PRDM5: variants seen among roughly 807,000 people sequenced by gnomAD.
PRDM5 encodes the protein PR/SET domain 5, also known as PR domain zinc finger protein 5.
In PRDM5, 56 loss-of-function variants were observed where a neutral mutation model predicts 81.2. That is an observed-to-expected ratio of 0.69 (90% confidence interval 0.56 to 0.86). The LOEUF (loss-of-function observed/expected upper bound fraction) is 0.86. Among genes scored for constraint, PRDM5 ranks in the 40% least tolerant of loss-of-function variants. The probability of loss-of-function intolerance (pLI) is 0.00; values close to 1 mark genes in which losing one functional copy is unlikely to be tolerated. For missense variants in PRDM5, 697 were observed against 770.1 expected, an observed-to-expected ratio of 0.91 and a Z score of 1.12; for synonymous variants, 267 against 256.4, an observed-to-expected ratio of 1.04 and a Z score of -0.39.
At chr4:120,758,748 G>A (rs1387586510) in intron 13 of PRDM5, among the ~76,000 whole-genome samples, 2 of 151,644 alleles carry the variant, frequency 1.3e-5, no homozygotes, top group African/African-American at 4.8e-5. Flanking sequence ...CAAATTAACA[G>A]TCATCCTACT....
At chr4:120,773,514 A>C (rs1222423855) in intron 13 of PRDM5, among the ~76,000 whole-genome samples, 1 of 152,200 alleles carries the variant, frequency 6.6e-6, no homozygotes, top group Non-Finnish European at 1.5e-5. Context: ...TTTCCAAGTT[A>C]CCTGTAACAT....
In PRDM5 at chr4:120,851,287, C is replaced by T. The variant is rs544460947; in HGVS notation, c.300+2131G>A. ...AGAACCTACCAAAACAATGGGTTGG[C>T]TTAAGGTAAATTCATGGCTCTATAG... is the stretch of plus-strand genomic sequence containing the variant. On this transcript the variant is annotated intron_variant, in intron 3 of 15. Transcript: ENST00000264808. Among the ~76,000 whole-genome samples the T allele has an allele frequency of 9.9e-5, 15 of 152,060 alleles. 1 individual carries two copies. In the South Asian group the frequency reaches 3.1e-3, roughly 32 times the overall value.
intron 15 of PRDM5, among the ~76,000 whole-genome samples, chr4:120,704,692 A>G (rs1424918213): frequency 6.6e-6 from 1 of 152,186 alleles, no homozygotes; most frequent in Non-Finnish European, 1.5e-5. Context: ...AGTCACAAGC[A>G]TAGTACAAAG....
intron 1 of PRDM5, among the ~76,000 whole-genome samples, chr4:120,914,391 A>T (rs1723864354): frequency 6.6e-6 from 1 of 152,222 alleles, no homozygotes; most frequent in African/African-American, 2.4e-5. Flanking sequence ...TAAAAATATG[A>T]TATTTAGAGA....
At chr4:120,890,007 C>G (rs1373410701) in intron 2 of PRDM5, among the ~76,000 whole-genome samples, 1 of 152,108 alleles carries the variant, frequency 6.6e-6, no homozygotes, top group African/African-American at 2.4e-5. Flanking sequence ...GATGAACATA[C>G]GTGTGCATGC....
chr4:120,785,782 G>T (rs185339245), intron 10 of PRDM5, among the ~76,000 whole-genome samples: 1 of 152,162 alleles, frequency 6.6e-6, no homozygotes, highest in Admixed American at 6.6e-5. Flanking sequence ...GCGGTAACTT[G>T]GGAAGGTCAA....
chr4:120,712,114 C>T (rs530964049), intron 14 of PRDM5, among the ~76,000 whole-genome samples: 56 of 151,950 alleles, frequency 3.7e-4, no homozygotes, highest in African/African-American at 1.3e-3. Flanking sequence ...GGTGAAACCC[C>T]GTCTCTACTA....
chr4:120,914,019 A>G (rs1305761922), intron 1 of PRDM5, among the ~76,000 whole-genome samples: 1 of 152,144 alleles, frequency 6.6e-6, no homozygotes, highest in Admixed American at 6.5e-5. Flanking sequence ...TTGAGCTCCA[A>G]TGAGTCAACC....
chr4:120,842,522 G>C (rs953016290), intron 3 of PRDM5, among the ~76,000 whole-genome samples: 1 of 152,122 alleles, frequency 6.6e-6, no homozygotes. Context: ...AAACATAACT[G>C]ACACAAATGC....
rs190543560 is a variant in PRDM5 at position 120,910,983 on chromosome 4, T to A, written c.94-3426A>T. Reference sequence around the variant, plus strand: ...TGCTGTCCATTTGTGCCTGCATTATTGGTATTACCTTTGACTTGTGATTTC... The same window carrying A: ...TGCTGTCCATTTGTGCCTGCATTATAGGTATTACCTTTGACTTGTGATTTC... On this transcript the variant is annotated intron_variant, in intron 1 of 15. Coordinates refer to ENST00000264808, the MANE Select transcript of PRDM5 (RefSeq NM_018699.4). Among the ~76,000 whole-genome samples the A allele has an allele frequency of 4.7e-3, 713 of 152,304 alleles. 3 individuals carry two copies. The highest frequency in any genetic ancestry group is 0.016 in the African/African-American group (675 of 41,564).
At chr4:120,848,367 C>A (rs343180) in intron 3 of PRDM5, among the ~76,000 whole-genome samples, 1 of 151,924 alleles carries the variant, frequency 6.6e-6, no homozygotes, top group Non-Finnish European at 1.5e-5. Flanking sequence ...AACTTTAAGG[C>A]ATTACAACAC....
intron 8 of PRDM5, among the ~76,000 whole-genome samples, chr4:120,803,824 T>C (rs1250465709): frequency 6.6e-6 from 1 of 152,186 alleles, no homozygotes; most frequent in Non-Finnish European, 1.5e-5. Context: ...GCTAACATCA[T>C]AATGATAGGA....
chr4:120,691,174 G>A (rs1429379147), downstream of PRDM5, among the ~76,000 whole-genome samples: 1 of 152,062 alleles, frequency 6.6e-6, no homozygotes, highest in South Asian at 2.1e-4. Context: ...CACTATTTTA[G>A]TATATAAGTA....
intron 15 of PRDM5, among the ~76,000 whole-genome samples, chr4:120,707,606 A>T (rs777679810): frequency 6.6e-6 from 1 of 152,004 alleles, no homozygotes. Context: ...GACAAATCCC[A>T]TGACCTTGGA....
rs539355750 is a variant in PRDM5, at chr4:120,696,697, T to C, written c.1729-1422A>G. Among the ~76,000 whole-genome samples, 12 of 151,462 alleles carry C rather than the reference T, an allele frequency of 7.9e-5. No individual in the cohort carries two copies. The South Asian group carries it at 2.5e-3, about 31-fold the overall frequency. ...ACTGCAGACACTCAATAAATGTCAGTGTACATTTTTTTTTTCTCTTTCATC... is the reference window on the plus strand; with the variant it reads ...ACTGCAGACACTCAATAAATGTCAGCGTACATTTTTTTTTTCTCTTTCATC... On this transcript the variant is annotated intron_variant, in intron 15 of 15. Transcript: ENST00000264808.
chr4:120,726,830 G>C (rs1342971003), intron 14 of PRDM5, among the ~76,000 whole-genome samples: 1 of 152,160 alleles, frequency 6.6e-6, no homozygotes, highest in Non-Finnish European at 1.5e-5. Flanking sequence ...GCCTAGTATT[G>C]CAAGAAAAGG....
chr4:120,744,125 C>T (rs1335960794), intron 14 of PRDM5, among the ~76,000 whole-genome samples: 1 of 152,134 alleles, frequency 6.6e-6, no homozygotes, highest in African/African-American at 2.4e-5. Flanking sequence ...GATTAAGAAT[C>T]TCACTCAAAA....
In PRDM5 at chr4:120,840,960, G is replaced by A. The variant is rs191981337; in HGVS notation, c.300+12458C>T. On this transcript the variant is annotated intron_variant, in intron 3 of 15. Coordinates refer to ENST00000264808, the MANE Select transcript of PRDM5 (RefSeq NM_018699.4). ...TCACCCATGGCTCACCTCCAGCTGT[G>A]CAGCCAGGTATGGGTCTACGGCACA... is the stretch of plus-strand genomic sequence containing the variant. 2.6e-5 allele frequency among the ~76,000 whole-genome samples: 4 copies of A among 152,338 alleles called. No individual in the cohort carries two copies. In the East Asian group the frequency reaches 7.7e-4, roughly 29 times the overall value.
chr4:120,854,441 C>T (rs1218891326), intron 2 of PRDM5, among the ~76,000 whole-genome samples: 1 of 152,128 alleles, frequency 6.6e-6, no homozygotes, highest in Non-Finnish European at 1.5e-5. Context: ...GTAACACGAA[C>T]ATACAGGTTA....
Sources: allele counts gnomAD v4.1 joint callset (sites outside exome capture counted in the v4.1 genomes callset), GRCh38; gene constraint gnomAD v4.1.1; transcripts MANE v1.5; gene names NCBI Gene and HGNC (gene_info 2026-07-23, HGNC 2026-07-21).